The following CKMT2 variants were observed in gnomAD, a reference collection of about 807,000 sequenced individuals.
CKMT2 encodes the protein creatine kinase, mitochondrial 2.
In CKMT2, 43 loss-of-function variants were observed where a neutral mutation model predicts 48.9. The observed-to-expected ratio is 0.88, with a 90% CI of 0.69 to 1.13. CKMT2 has a LOEUF of 1.13. CKMT2 is among the 50% of genes most tolerant of loss of function. The pLI is 0.00. For synonymous variants in CKMT2, 206 were observed against 213.0 expected (o/e 0.97, Z 0.29); for missense variants, 472 against 555.4 (o/e 0.85, Z 1.51).
At chr5:81,253,928 C>T (rs1030059865) in intron 3 of CKMT2, among the ~76,000 whole-genome samples, 2 of 152,202 alleles carry the variant, frequency 1.3e-5, no homozygotes, top group African/African-American at 2.4e-5. Context: ...TTTCTTCTGG[C>T]GTAGCCAGGT....
chr5:81,233,938 G>C (rs1332133833), intron 1 of CKMT2, among the ~76,000 whole-genome samples: 3 of 147,726 alleles, frequency 2.0e-5, no homozygotes, highest in Non-Finnish European at 4.4e-5. Flanking sequence ...CAGTTTTGCC[G>C]TCACTAATAC....
At chr5:81,261,381 G>C (rs1757218543) in intron 8 of CKMT2, among the ~76,000 whole-genome samples, 1 of 152,150 alleles carries the variant, frequency 6.6e-6, no homozygotes, top group Admixed American at 6.5e-5. Context: ...AAGAAAGAAA[G>C]GGTATTCACG....
At chr5:81,260,422 A>T (rs1757174490) in intron 8 of CKMT2, among the ~76,000 whole-genome samples, 2 of 152,192 alleles carry the variant, frequency 1.3e-5, no homozygotes, top group South Asian at 4.1e-4. Context: ...ACCTTCAAAA[A>T]ATCAGTGAAT....
chr5:81,253,026 A>G, intron 3 of CKMT2, 133 bp downstream of exon 3: 1 of 885,010 alleles, frequency 1.1e-6, no homozygotes, highest in East Asian at 2.4e-5. Flanking sequence ...CATAAAGGGA[A>G]GCCAGCTCCA....
At chr5:81,244,282 C>T in intron 1 of CKMT2, 2 of 661,212 alleles carry the variant, frequency 3.0e-6, no homozygotes, top group Non-Finnish European at 3.7e-6. Flanking sequence ...ATTAACATCA[C>T]CTGCCCCTTC....
intron 1 of CKMT2, among the ~76,000 whole-genome samples, chr5:81,237,338 C>T (rs1046950456): frequency 3.3e-5 from 5 of 152,214 alleles, no homozygotes; most frequent in Admixed American, 3.3e-4. Context: ...CCTGTCCCGT[C>T]GTCTTCACAA....
At chr5:81,253,876 G>A (rs975710626) in intron 3 of CKMT2, among the ~76,000 whole-genome samples, 4 of 152,198 alleles carry the variant, frequency 2.6e-5, no homozygotes, top group Admixed American at 6.5e-5. Flanking sequence ...GGTCCGCATC[G>A]GGTGAGAGGT....
chr5:81,234,039 A>C (rs994528719), intron 1 of CKMT2, among the ~76,000 whole-genome samples: 4 of 151,528 alleles, frequency 2.6e-5, no homozygotes, highest in South Asian at 2.1e-4. Context: ...AAAAAAAAAA[A>C]AAAAAAACCT....
intron 1 of CKMT2, chr5:81,242,711 T>A (rs551216106): frequency 1.4e-4 from 24 of 177,684 alleles, no homozygotes; most frequent in African/African-American, 5.2e-4. Flanking sequence ...ACTTAACACC[T>A]GAGCTCCCTG....
At chr5:81,242,332 A>G in intron 1 of CKMT2, 1 of 394,252 alleles carries the variant, frequency 2.5e-6, no homozygotes, top group African/African-American at 2.1e-5. Flanking sequence ...AGGTTTGTTC[A>G]TTTCTTGCAT....
chr5:81,241,653 T>C (rs1372564221), intron 1 of CKMT2, among the ~76,000 whole-genome samples: 3 of 152,208 alleles, frequency 2.0e-5, no homozygotes, highest in African/African-American at 7.2e-5. Context: ...TAGGATGAAT[T>C]ATGCTTGACA....
intron 3 of CKMT2, among the ~76,000 whole-genome samples, chr5:81,253,902 ACTG>A (rs1268745442): frequency 1.7e-4 from 26 of 152,330 alleles, no homozygotes; most frequent in African/African-American, 6.3e-4. Flanking sequence ...CTTTGCCCAA[ACTG>A]CTGCTATGTA....
At chr5:81,249,872 G>A (rs1306267067) in intron 1 of CKMT2, among the ~76,000 whole-genome samples, 2 of 152,122 alleles carry the variant, frequency 1.3e-5, no homozygotes, top group African/African-American at 4.8e-5. Flanking sequence ...TCATTTCTTT[G>A]TAGGTAAACT....
In CKMT2 at chr5:81,254,450, C is replaced by T; in HGVS notation, c.406C>T (p.Pro136Ser). 6.2e-7 allele frequency: 1 copy of T among 1,614,098 alleles called. No homozygotes were observed. Among genetic ancestry groups the T allele is most frequent in the Non-Finnish European group, 8.5e-7 (1 of 1,179,996 alleles). The stretch of plus-strand genomic sequence containing the variant: ...CAAACTAAGACACAACGGCTATGAC[C>T]CCAGGGTGATGAAGCACACAACGGA... ...VIKLRHNGYD[P>S]RVMKHTTDLD... The change falls in exon 4 of 10, where the codon CCC (proline) becomes TCC (serine). Residue 136 changes from proline to serine, a missense_variant. Pro to Ser is a moderately conservative substitution (Grantham distance 74). Transcript: ENST00000254035.
chr5:81,240,449 T>C (rs750693493), intron 1 of CKMT2, among the ~76,000 whole-genome samples: 1 of 152,146 alleles, frequency 6.6e-6, no homozygotes, highest in African/African-American at 2.4e-5. Context: ...CAGTCCTCCA[T>C]TGATGCACAT....
intron 1 of CKMT2, chr5:81,242,647 GT>G: frequency 3.9e-6 from 1 of 253,732 alleles, no homozygotes; most frequent in Non-Finnish European, 7.9e-6. Context: ...GAGATTTGTA[GT>G]GAGAAAAAGG....
intron 1 of CKMT2, among the ~76,000 whole-genome samples, chr5:81,245,909 A>G (rs1350391417): frequency 6.6e-6 from 1 of 152,102 alleles, no homozygotes; most frequent in Non-Finnish European, 1.5e-5. Flanking sequence ...CACCCGCCCA[A>G]CTGTAGACCA....
chr5:81,251,422 C>A (rs924180072), intron 2 of CKMT2, 138 bp downstream of exon 2: 2 of 848,170 alleles, frequency 2.4e-6, no homozygotes, highest in Non-Finnish European at 1.8e-6. Flanking sequence ...CCCATCTCTA[C>A]TAAAAATACA....
At chr5:81,245,007 A>G (rs1756561500) in intron 1 of CKMT2, 2 of 152,148 alleles carry the variant, frequency 1.3e-5, no homozygotes. Flanking sequence ...GCCTATCACC[A>G]TGCCCAGCTA....
Sources: gnomAD v4.1 joint callset for allele counts (sites outside exome capture counted in the v4.1 genomes callset) on GRCh38, gnomAD v4.1.1 for gene constraint, MANE v1.5 for transcripts, NCBI Gene and HGNC (gene_info 2026-07-23, HGNC 2026-07-21) for gene names.